The following EFR3A variants were observed in gnomAD, a reference collection of about 807,000 sequenced individuals.
The protein encoded by EFR3A is protein EFR3 homolog A.
In EFR3A, 76 loss-of-function variants were observed where a neutral mutation model predicts 104.4. That is an observed-to-expected ratio of 0.73 (90% confidence interval 0.60 to 0.88). EFR3A has a LOEUF of 0.88. EFR3A is among the 40% of genes least tolerant of loss of function. The probability of loss-of-function intolerance (pLI) is 0.00; values close to 1 mark genes in which losing one functional copy is unlikely to be tolerated. For synonymous variants in EFR3A, 330 were observed against 330.0 expected (o/e 1.00, Z 0.00); for missense variants, 985 against 1,012.5 (o/e 0.97, Z 0.37).
intron 1 of EFR3A, among the ~76,000 whole-genome samples, chr8:131,926,827 T>C (rs1319817379): frequency 6.6e-6 from 1 of 152,062 alleles, no homozygotes. Context: ...GTACTTTAAG[T>C]GTGGGAGTCA....
At chr8:131,910,489 T>G (rs1816464847) in intron 1 of EFR3A, among the ~76,000 whole-genome samples, 2 of 152,132 alleles carry the variant, frequency 1.3e-5, no homozygotes, top group African/African-American at 2.4e-5. Context: ...CCCAGCATGG[T>G]CTTGAACTCC....
At chr8:131,994,362 G>A (rs1345584191) in intron 18 of EFR3A, among the ~76,000 whole-genome samples, 9 of 152,176 alleles carry the variant, frequency 5.9e-5, no homozygotes, top group African/African-American at 1.9e-4. Context: ...CATTATAGGT[G>A]TGTCTGGGTA....
intron 22 of EFR3A, among the ~76,000 whole-genome samples, chr8:132,006,337 AAG>A (rs763896140): frequency 1.3e-5 from 2 of 152,126 alleles, no homozygotes; most frequent in African/African-American, 4.8e-5. Context: ...AAGGAAGAAA[AAG>A]AGAGAAAACA....
chr8:131,956,399 T>C (rs779697601), intron 7 of EFR3A, among the ~76,000 whole-genome samples: 3 of 152,190 alleles, frequency 2.0e-5, no homozygotes, highest in African/African-American at 4.8e-5. Context: ...GTTGGTACTT[T>C]CATGCTCTCC....
intron 1 of EFR3A, among the ~76,000 whole-genome samples, chr8:131,919,695 C>A (rs1433148578): frequency 6.6e-6 from 1 of 151,384 alleles, no homozygotes; most frequent in Non-Finnish European, 1.5e-5. Flanking sequence ...TGGACAGATA[C>A]TTTTAACAAA....
In EFR3A at chr8:131,938,118, G is replaced by C. The variant is rs1004637700; in HGVS notation, c.11-2381G>C. Reference sequence around the variant, plus strand: ...AAGTTAGGTAAGTTACAGTACTTCTGTGCCCTCTGCTAATTAATTAGAAGT... The same window carrying C: ...AAGTTAGGTAAGTTACAGTACTTCTCTGCCCTCTGCTAATTAATTAGAAGT... On this transcript the variant is annotated intron_variant, in intron 1 of 22. Transcript: ENST00000254624. 7.6e-6 allele frequency: 3 copies of C among 392,468 alleles called. No homozygotes were observed. In the Admixed American group the frequency reaches 1.3e-4, roughly 17 times the overall value. 24.3% of individuals were successfully genotyped at this position (392,468 alleles called of 1,614,324 possible).
At position 131,996,304 on chromosome 8, in the gene EFR3A, A is replaced by G; in HGVS notation, c.2066-102A>G. ...AGGAACAAAAAAGACAAACTGTCTG[A>G]ATTTTTTGACAGTTTTTGAAATCTG... On this transcript the variant is annotated intron_variant, in intron 18 of 22. Coordinates refer to ENST00000254624, the MANE Select transcript of EFR3A (RefSeq NM_015137.6). 6 of 687,002 alleles carry G rather than the reference A, an allele frequency of 8.7e-6. No individual in the cohort carries two copies. The South Asian group carries it at 1.5e-4, about 17-fold the overall frequency. 42.6% of individuals were successfully genotyped at this position (687,002 alleles called of 1,614,324 possible).
At chr8:131,959,465 G>A (rs1054283947) in intron 7 of EFR3A, 120 bp from the exon 8 acceptor site, 3 of 727,914 alleles carry the variant, frequency 4.1e-6, no homozygotes, top group African/African-American at 1.8e-5. Context: ...GAATTAAATT[G>A]AAATCTTGCT....
rs1019713562 is a variant in EFR3A, at chr8:131,904,102, G to A, written c.-211G>A. The A allele has an allele frequency of 3.8e-5, 18 of 473,246 alleles. No homozygotes were observed. The highest frequency in any genetic ancestry group is 6.1e-5 in the African/African-American group (3 of 49,480). 29.3% of individuals were successfully genotyped at this position (473,246 alleles called of 1,614,324 possible). A position where few individuals can be genotyped will look rare whatever the true frequency, so the allele number is the denominator to read the frequency against. On this transcript the variant is annotated 5_prime_UTR_variant, in exon 1 of 23. Transcript: ENST00000254624. ...GTAACGGGCGTGGGTCGTCCGTCGC[G>A]CCGCCCGGCGAGGAGTGGGCTGGCG...
intron 14 of EFR3A, among the ~76,000 whole-genome samples, chr8:131,983,742 C>T (rs1820733889): frequency 6.6e-6 from 1 of 152,148 alleles, no homozygotes; most frequent in Non-Finnish European, 1.5e-5. Context: ...AGTACATTTC[C>T]TCTCAGTACA....
chr8:131,989,520 T>G (rs769318344), intron 18 of EFR3A, among the ~76,000 whole-genome samples: 6 of 152,188 alleles, frequency 3.9e-5, no homozygotes, highest in South Asian at 4.1e-4. Flanking sequence ...AGGCTAAAAT[T>G]GAATTAAATG....
Position 132,012,957 on chromosome 8 carries a change from A to C in EFR3A, c.*2062A>C, listed in dbSNP as rs753391512. On this transcript the variant is annotated 3_prime_UTR_variant, in exon 23 of 23. Coordinates refer to ENST00000254624, the MANE Select transcript of EFR3A (RefSeq NM_015137.6). The stretch of plus-strand genomic sequence containing the variant: ...GTTGGGGTTTTTGTTACTGTTTTTA[A>C]ATTACAGTAGGCTTCTATATATCCT... The C allele has an allele frequency of 4.6e-5, 7 of 152,120 alleles. No individual in the cohort carries two copies. The highest frequency in any genetic ancestry group is 5.9e-5 in the Non-Finnish European group (4 of 68,030). The allele number at this position is 152,120 out of a possible 1,614,324, so 9.4% of individuals were successfully genotyped here.
At chr8:131,988,147 A>C (rs1330788578) in intron 18 of EFR3A, among the ~76,000 whole-genome samples, 1 of 150,596 alleles carries the variant, frequency 6.6e-6, no homozygotes, top group African/African-American at 2.4e-5. Flanking sequence ...TTGAGTTAGG[A>C]ATTTTTTTTT....
chr8:131,978,869 A>G lies in EFR3A; in HGVS notation c.1349A>G (p.Lys450Arg). ...CAGGTGACCTCTGGATATAAAGCGA[A>G]GACGATTGTTACTGCACTGCCAGGG... ...LLMVTSGYKA[K>R]TIVTALPGSF... is the part of the protein sequence containing the mutation. The change falls in exon 13 of 23, where the codon AAG becomes AGG. Residue 450 changes from lysine (K) to arginine (R), a missense_variant. Coordinates refer to ENST00000254624, the MANE Select transcript of EFR3A (RefSeq NM_015137.6). 1 of 1,603,738 alleles carries G rather than the reference A, an allele frequency of 6.2e-7. No homozygotes were observed. The highest frequency in any genetic ancestry group is 1.1e-5 in the South Asian group (1 of 88,266).
intron 5 of EFR3A, among the ~76,000 whole-genome samples, chr8:131,951,584 T>C (rs547709893): frequency 2.6e-5 from 4 of 152,278 alleles, no homozygotes; most frequent in Admixed American, 6.5e-5. Flanking sequence ...AGAAAATATC[T>C]GGAATGTAGT....
At chr8:131,955,235 A>G (rs1818918238) in intron 6 of EFR3A, among the ~76,000 whole-genome samples, 1 of 152,162 alleles carries the variant, frequency 6.6e-6, no homozygotes, top group African/African-American at 2.4e-5. Context: ...TGCCACATAT[A>G]CATTTTTAGA....
intron 18 of EFR3A, among the ~76,000 whole-genome samples, chr8:131,995,209 A>C (rs533730875): frequency 6.6e-6 from 1 of 152,148 alleles, no homozygotes; most frequent in Admixed American, 6.5e-5. Flanking sequence ...GACTGAGACT[A>C]TCCGATGGCT....
chr8:131,979,390 T>A lies in EFR3A; in HGVS notation c.1544T>A (p.Ile515Asn). The A allele has an allele frequency of 6.4e-7, 1 of 1,567,496 alleles. No homozygotes were observed. The highest frequency in any genetic ancestry group is 8.7e-7 in the Non-Finnish European group (1 of 1,154,780). ...GACCTAAAGATAAAAAGAGAAAAAA[T>A]TTGCAGACAAGACACAAGTTTCATG... ...VADLKIKREK[I>N]CRQDTSFMKK... The change falls in exon 14 of 23, where the codon ATT (isoleucine) becomes AAT (asparagine). Residue 515 changes from isoleucine to asparagine, a missense_variant. Ile to Asn is a moderately radical substitution (Grantham distance 149). Transcript: ENST00000254624.
chr8:131,972,570 T>C (rs901757062), intron 10 of EFR3A, among the ~76,000 whole-genome samples: 2 of 151,890 alleles, frequency 1.3e-5, no homozygotes, highest in Admixed American at 1.3e-4. Context: ...ACTGTATAAA[T>C]ACAGATTCAA....
Sources: allele counts gnomAD v4.1 joint callset (sites outside exome capture counted in the v4.1 genomes callset), GRCh38; gene constraint gnomAD v4.1.1; transcripts MANE v1.5; gene names NCBI Gene and HGNC (gene_info 2026-07-23, HGNC 2026-07-21).